The following DDX31 variants were observed in gnomAD, a reference collection of about 807,000 sequenced individuals.
DDX31 encodes ATP-dependent DNA helicase DDX31.
DDX31 carries 70 observed loss-of-function variants against 91.3 expected under a neutral mutation model. The observed-to-expected ratio is 0.77, with a 90% CI of 0.63 to 0.94. The LOEUF is 0.94. Ranked by LOEUF, DDX31 falls within the 40% of genes least tolerant of loss-of-function variation. The pLI is 0.00. For missense variants in DDX31, 902 were observed against 925.0 expected, an observed-to-expected ratio of 0.98 and a Z score of 0.32; for synonymous variants, 362 against 350.6, an observed-to-expected ratio of 1.03 and a Z score of -0.36.
At chr9:132,605,838 A>C (rs1830982671) in intron 19 of DDX31, among the ~76,000 whole-genome samples, 1 of 152,110 alleles carries the variant, frequency 6.6e-6, no homozygotes, top group Non-Finnish European at 1.5e-5. Context: ...GGCTTGCTCT[A>C]ATCACAGCCT....
intron 13 of DDX31, among the ~76,000 whole-genome samples, chr9:132,643,707 CG>C (rs1322623684): frequency 6.6e-6 from 1 of 152,114 alleles, no homozygotes; most frequent in East Asian, 1.9e-4. Context: ...GGTAAAGGGC[CG>C]GAATGATATC....
At chr9:132,617,023 C>G (rs1430128108) in intron 18 of DDX31, among the ~76,000 whole-genome samples, 1 of 152,222 alleles carries the variant, frequency 6.6e-6, no homozygotes, top group African/African-American at 2.4e-5. Flanking sequence ...TATTCTCACA[C>G]AGCAGCCAGG....
chr9:132,646,780 C>G, intron 12 of DDX31, 43 bp downstream of exon 12: 3 of 1,581,292 alleles, frequency 1.9e-6, no homozygotes, highest in East Asian at 2.2e-5. Flanking sequence ...AGAAAGCAGG[C>G]CTTTCTTCCC....
In DDX31 at chr9:132,648,440, T is replaced by C. The variant is rs773810174; in HGVS notation, c.852A>G (p.Glu284=). Residue 284 remains glutamate (E), a synonymous_variant, in exon 10 of 20, where the codon GAA becomes GAG. Transcript: ENST00000372159. The part of the protein sequence containing the change: ...FSRLRWLVFD[E]ADRILDLGFE... ...CCTGGGACGAGGCTCACCTGTCTGC[T>C]TCATCAAACACCAACCACCGCAGCC... The C allele has an allele frequency of 1.2e-6, 2 of 1,613,522 alleles. No individual in the cohort carries two copies. Among genetic ancestry groups the C allele is most frequent in the Admixed American group, 1.7e-5 (1 of 59,902 alleles).
intron 6 of DDX31, among the ~76,000 whole-genome samples, chr9:132,653,896 ATAATT>A (rs34480766): frequency 0.07 from 10,685 of 152,238 alleles, 472 homozygotes; most frequent in East Asian, 0.12. Context: ...AGATGTTAAA[ATAATT>A]TAAAGCTACA....
intron 6 of DDX31, among the ~76,000 whole-genome samples, chr9:132,653,718 C>T (rs978092193): frequency 6.6e-5 from 10 of 151,780 alleles, no homozygotes; most frequent in African/African-American, 2.4e-4. Flanking sequence ...TGCAATAGTA[C>T]ATATAAGCTA....
intron 14 of DDX31, among the ~76,000 whole-genome samples, chr9:132,635,954 G>A (rs1328600478): frequency 6.6e-6 from 1 of 151,866 alleles, no homozygotes; most frequent in Non-Finnish European, 1.5e-5. Context: ...CAAAAAAAAA[G>A]AGAAGAAGAA....
At chr9:132,627,171 C>G (rs1409591439) in intron 16 of DDX31, among the ~76,000 whole-genome samples, 2 of 152,072 alleles carry the variant, frequency 1.3e-5, no homozygotes, top group Non-Finnish European at 2.9e-5. Context: ...AATCTTGAAG[C>G]AGAAAGAAAA....
chr9:132,603,056 A>T (rs557469130), intron 19 of DDX31, among the ~76,000 whole-genome samples: 11 of 152,194 alleles, frequency 7.2e-5, no homozygotes, highest in Non-Finnish European at 1.5e-4. Flanking sequence ...GCCACTGCGG[A>T]TCCTGCCTTG....
At chr9:132,658,775 C>T in intron 5 of DDX31, 40 bp from the exon 6 acceptor site, 1 of 1,580,242 alleles carries the variant, frequency 6.3e-7, no homozygotes, top group Non-Finnish European at 8.6e-7. Flanking sequence ...ATCACACACC[C>T]TACAGATGTT....
chr9:132,618,527 A>T (rs1831795259), intron 17 of DDX31, 86 bp from the exon 18 acceptor site: 1 of 1,157,882 alleles, frequency 8.6e-7, no homozygotes, highest in South Asian at 1.6e-5. Flanking sequence ...AATAACAGTA[A>T]AATCACACAG....
chr9:132,606,834 G>A (rs891643939), intron 19 of DDX31, among the ~76,000 whole-genome samples: 1 of 152,144 alleles, frequency 6.6e-6, no homozygotes, highest in African/African-American at 2.4e-5. Context: ...GGCTAACGGG[G>A]GTACAGACTC....
At chr9:132,666,614 T>C (rs414883) in intron 1 of DDX31, among the ~76,000 whole-genome samples, 118,976 of 152,118 alleles carry the variant, frequency 0.78, 47,055 homozygotes, top group African/African-American at 0.9. Context: ...CACTGGTTCC[T>C]GGGTTCAAGT....
chr9:132,646,162 AC>A, intron 12 of DDX31, 91 bp from the exon 13 acceptor site: 2 of 1,326,172 alleles, frequency 1.5e-6, no homozygotes, highest in South Asian at 1.6e-5. Flanking sequence ...AGTCATGCTG[AC>A]CCCCATTTGG....
At position 132,658,689 on chromosome 9, in the gene DDX31, T is replaced by C. The variant is rs1217910746; in HGVS notation, c.570A>G (p.Ala190=). The C allele has an allele frequency of 6.2e-7, 1 of 1,613,930 alleles. No individual in the cohort carries two copies. The highest frequency in any genetic ancestry group is 1.1e-5 in the South Asian group (1 of 91,014). The change falls in exon 6 of 20, where the codon GCA becomes GCG. Residue 190 remains alanine (A), a synonymous_variant. Coordinates refer to ENST00000372159, the MANE Select transcript of DDX31 (RefSeq NM_022779.9). ...YCIPVVQSLQ[A]MESKIQRSDG... is the part of the protein sequence containing the mutation. ...TACACACCTGTATTTTTGACTCCAT[T>C]GCTTGAAGGGACTGGACCACAGGGA... is the stretch of plus-strand genomic sequence containing the variant.
intron 19 of DDX31, among the ~76,000 whole-genome samples, chr9:132,609,107 A>C (rs1383680851): frequency 6.6e-6 from 1 of 152,136 alleles, no homozygotes; most frequent in Non-Finnish European, 1.5e-5. Flanking sequence ...AAAGAAGGGC[A>C]TAGCAACGGA....
Position 132,628,538 on chromosome 9 carries a change from C to T in DDX31, c.1631+1726G>A, listed in dbSNP as rs1439027587. Among the ~76,000 whole-genome samples, 7 of 152,290 alleles carry T rather than the reference C, an allele frequency of 4.6e-5. No individual in the cohort carries two copies. In the East Asian group the frequency reaches 5.8e-4, roughly 13 times the overall value. ...CACTGTTTTCCCTTCTCAATTTTAG[C>T]TTTATATCTGAGCCCTTCATAGCAA... On this transcript the variant is annotated intron_variant, in intron 16 of 19. Coordinates refer to ENST00000372159, the MANE Select transcript of DDX31 (RefSeq NM_022779.9).
chr9:132,630,052 G>T (rs993254819), intron 16 of DDX31, among the ~76,000 whole-genome samples: 1 of 152,208 alleles, frequency 6.6e-6, no homozygotes, highest in Non-Finnish European at 1.5e-5. Context: ...ACAACACATC[G>T]TCCTATGACT....
chr9:132,611,377 G>A (rs1022693653), intron 19 of DDX31, among the ~76,000 whole-genome samples: 2 of 152,184 alleles, frequency 1.3e-5, no homozygotes, highest in African/African-American at 2.4e-5. Context: ...TCTGGCTCCT[G>A]TGAGGGCTGA....
Sources: allele counts gnomAD v4.1 joint callset (sites outside exome capture counted in the v4.1 genomes callset), GRCh38; gene constraint gnomAD v4.1.1; transcripts MANE v1.5; gene names NCBI Gene and HGNC (gene_info 2026-07-23, HGNC 2026-07-21).